Variants in CUL1 observed in about 807,000 individuals in gnomAD.
CUL1 encodes the protein cullin 1.
Under a neutral mutation model 118.0 loss-of-function variants are expected in CUL1, and 24 were observed. That is an observed-to-expected ratio of 0.20 (90% CI 0.15 to 0.29). The LOEUF (loss-of-function observed/expected upper bound fraction) is 0.29. Ranked by LOEUF, CUL1 falls within the 10% of genes least tolerant of loss-of-function variation. The pLI, the probability that CUL1 is intolerant of heterozygous loss-of-function variation, is 1.00. For missense variants in CUL1, 361 were observed against 933.8 expected (o/e 0.39, Z 7.99); for synonymous variants, 332 against 340.4 (o/e 0.98, Z 0.27).
At chr7:148,768,886 C>G (rs1800104853) in intron 9 of CUL1, among the ~76,000 whole-genome samples, 1 of 152,076 alleles carries the variant, frequency 6.6e-6, no homozygotes, top group African/African-American at 2.4e-5. Context: ...TCAGCCGCCT[C>G]TATGAATTAT....
At chr7:148,764,786 A>G (rs1303031534) in intron 7 of CUL1, among the ~76,000 whole-genome samples, 2 of 152,216 alleles carry the variant, frequency 1.3e-5, no homozygotes, top group African/African-American at 4.8e-5. Flanking sequence ...TTACACATTA[A>G]CTGTAGACTT....
intron 6 of CUL1, 61 bp from the exon 7 acceptor site, chr7:148,760,272 A>T (rs1799790775): frequency 1.4e-6 from 2 of 1,412,334 alleles, no homozygotes; most frequent in African/African-American, 2.9e-5. Context: ...ACCTAAGTAT[A>T]TTCTGTGAAA....
At chr7:148,783,937 G>T (rs999168068) in intron 10 of CUL1, 34 bp from the exon 11 acceptor site, 13 of 1,613,428 alleles carry the variant, frequency 8.1e-6, no homozygotes, top group Non-Finnish European at 1.0e-5. Context: ...TATGGATGGG[G>T]CGTTTGTCTC....
rs1798703804 is a variant in CUL1, at chr7:148,729,977, G to T, written c.-146G>T. On this transcript the variant is annotated 5_prime_UTR_variant, in exon 2 of 22. Transcript: ENST00000325222. ...TCTTCCTCAGGTTTGCCTGCAATGA[G>T]ATTTCATTCTCTACATTTAAAGGAC... 8.8e-6 allele frequency: 8 copies of T among 912,270 alleles called. No homozygotes were observed. In the South Asian group the frequency reaches 1.5e-4, roughly 18 times the overall value. 56.5% of individuals were successfully genotyped at this position (912,270 alleles called of 1,614,324 possible).
chr7:148,799,923 G>A (rs1282405763), intron 21 of CUL1, among the ~76,000 whole-genome samples: 2 of 150,832 alleles, frequency 1.3e-5, no homozygotes, highest in East Asian at 4.0e-4. Context: ...ACTGATAATT[G>A]ACATTTTGCT....
chr7:148,745,209 C>T (rs1442751778), intron 2 of CUL1, among the ~76,000 whole-genome samples: 1 of 152,040 alleles, frequency 6.6e-6, no homozygotes, highest in African/African-American at 2.4e-5. Flanking sequence ...TGTTCTTTTT[C>T]ATGGTTTCTG....
In CUL1 at chr7:148,763,862, A is replaced by G. The variant is rs144241033; in HGVS notation, c.790-2699A>G. ...GAGATAAAACATGACCCTTCAAGAA[A>G]TACTCTGCAAATTCTAGCCAGTTGA... On this transcript the variant is annotated intron_variant, in intron 7 of 21. Transcript: ENST00000325222. Among the ~76,000 whole-genome samples the G allele has an allele frequency of 6.5e-3, 984 of 152,334 alleles. 16 individuals are homozygous for G. The highest frequency in any genetic ancestry group is 0.022 in the African/African-American group (925 of 41,566).
intron 17 of CUL1, among the ~76,000 whole-genome samples, chr7:148,795,076 G>A (rs974027128): frequency 1.3e-5 from 2 of 151,926 alleles, no homozygotes; most frequent in South Asian, 4.2e-4. Flanking sequence ...CAAGTGATCT[G>A]CCTGCCTCGG....
intron 8 of CUL1, among the ~76,000 whole-genome samples, chr7:148,767,064 G>A (rs1160087275): frequency 6.6e-6 from 1 of 152,132 alleles, no homozygotes; most frequent in African/African-American, 2.4e-5. Flanking sequence ...TTTTACTGGG[G>A]CATGTTAGGA....
intron 1 of CUL1, among the ~76,000 whole-genome samples, chr7:148,706,181 A>G (rs981769220): frequency 1.7e-4 from 26 of 152,328 alleles, no homozygotes; most frequent in African/African-American, 6.3e-4. Flanking sequence ...TCCCATCCGC[A>G]AGATACCTCA....
Position 148,730,214 on chromosome 7 carries a change from T to G in CUL1, c.92T>G (p.Val31Gly). ...GACCTCAGAGCCGGCATCCAGCAGG[T>G]GTACACACGGCAGAGCATGGCCAAG... ...WDDLRAGIQQ[V>G]YTRQSMAKSR... The change falls in exon 2 of 22, where the codon GTG (valine) becomes GGG (glycine). Residue 31 changes from valine (V) to glycine (G), a missense_variant. Physicochemically the swap from Val to Gly is moderately radical, Grantham distance 109. This residue lies in a region of CUL1 where 13 missense variants were observed against 56.5 expected (regional missense o/e 0.23). Transcript: ENST00000325222. 1 of 1,614,104 alleles carries G rather than the reference T, an allele frequency of 6.2e-7. No individual in the cohort carries two copies. Among genetic ancestry groups the G allele is most frequent in the South Asian group, 1.1e-5 (1 of 91,080 alleles).
chr7:148,720,661 A>C (rs1648461134), intron 1 of CUL1, among the ~76,000 whole-genome samples: 1 of 152,200 alleles, frequency 6.6e-6, no homozygotes, highest in South Asian at 2.1e-4. Context: ...GGCTTCTGAC[A>C]ACTAAGTCAG....
At position 148,800,427 on chromosome 7, in the gene CUL1, CCT is replaced by C. The variant is rs1224078972; in HGVS notation, c.2251-68_2251-67del. Reference sequence around the variant, plus strand: ...CAGGGGAGATTTGTGGTGGGGGCAGCCTCTCTCTGTTCTGATGATAATTTGTG... The same window carrying C: ...CAGGGGAGATTTGTGGTGGGGGCAGCCTCTCTGTTCTGATGATAATTTGTG... On this transcript the variant is annotated intron_variant, in intron 21 of 21. Transcript: ENST00000325222. The surrounding 1 kb of genome is among the most constrained non-coding windows in gnomAD (Gnocchi z 4.6). 7.5e-6 allele frequency: 9 copies of C among 1,200,530 alleles called. No individual in the cohort carries two copies. The highest frequency in any genetic ancestry group is 3.0e-5 in the African/African-American group (2 of 66,676). The allele number at this position is 1,200,530 out of a possible 1,614,324, so 74.4% of individuals were successfully genotyped here. A position where few individuals can be genotyped will look rare whatever the true frequency, so the allele number is the denominator to read the frequency against.
intron 9 of CUL1, among the ~76,000 whole-genome samples, chr7:148,772,552 C>A (rs1392210912): frequency 3.9e-5 from 6 of 152,192 alleles, no homozygotes; most frequent in Non-Finnish European, 8.8e-5. Context: ...TTTTGCAGAT[C>A]AAACTGAAAT....
intron 16 of CUL1, 72 bp from the exon 17 acceptor site, chr7:148,792,654 C>CT (rs768592836): frequency 5.2e-5 from 50 of 958,624 alleles, no homozygotes; most frequent in Non-Finnish European, 6.5e-5. Flanking sequence ...CAAACTTGGG[C>CT]TGTATATTTT....
At chr7:148,792,677 C>A in intron 16 of CUL1, 49 bp from the exon 17 acceptor site, 1 of 1,361,316 alleles carries the variant, frequency 7.3e-7, no homozygotes, top group Non-Finnish European at 1.0e-6. Flanking sequence ...GAGGTGTTTC[C>A]ATGCATGTAA....
intron 2 of CUL1, among the ~76,000 whole-genome samples, chr7:148,732,639 T>G (rs559163857): frequency 6.6e-6 from 1 of 152,046 alleles, no homozygotes; most frequent in Non-Finnish European, 1.5e-5. Flanking sequence ...ACGTCCAGCC[T>G]TGGGAATTTC....
At chr7:148,738,224 G>A (rs1044193588) in intron 2 of CUL1, among the ~76,000 whole-genome samples, 6 of 152,152 alleles carry the variant, frequency 3.9e-5, no homozygotes, top group African/African-American at 1.2e-4. Context: ...TTTATATTAC[G>A]TTAGTAGTAG....
chr7:148,720,939 G>C (rs1212912362), intron 1 of CUL1, among the ~76,000 whole-genome samples: 1 of 152,210 alleles, frequency 6.6e-6, no homozygotes, highest in African/African-American at 2.4e-5. Context: ...TAAAGCTTCA[G>C]TTTTCTTGCC....
Sources: gnomAD v4.1 joint callset for allele counts (sites outside exome capture counted in the v4.1 genomes callset) on GRCh38, gnomAD v4.1.1 for gene constraint, gnomAD v4.1.1 regional missense constraint, Gnocchi (gnomAD v3.1) non-coding constraint, MANE v1.5 for transcripts, NCBI Gene and HGNC (gene_info 2026-07-23, HGNC 2026-07-21) for gene names.